UBAP1: variants seen among roughly 807,000 people sequenced by gnomAD.
The protein encoded by UBAP1 is ubiquitin-associated protein 1.
In UBAP1, 5 loss-of-function variants were observed where a neutral mutation model predicts 39.0. The ratio of observed to expected loss-of-function variants is 0.13; its 90% CI spans 0.07 to 0.27. The LOEUF (loss-of-function observed/expected upper bound fraction) is 0.27. UBAP1 is among the 10% of genes least tolerant of loss of function. The pLI, the probability that UBAP1 is intolerant of heterozygous loss-of-function variation, is 1.00. For synonymous variants in UBAP1, 211 were observed against 225.1 expected (o/e 0.94, Z 0.56); for missense variants, 490 against 608.1 (o/e 0.81, Z 2.04).
chr9:34,182,754 A>G (rs1020978010), intron 1 of UBAP1, among the ~76,000 whole-genome samples: 8 of 144,764 alleles, frequency 5.5e-5, no homozygotes, highest in Non-Finnish European at 1.2e-4. Context: ...TCAGTCGCCC[A>G]GGCTGGGGTA....
chr9:34,197,252 C>T (rs10971988), intron 1 of UBAP1, among the ~76,000 whole-genome samples: 56,876 of 151,164 alleles, frequency 0.38, 11,694 homozygotes, highest in East Asian at 0.89. Context: ...TTATAGTTCA[C>T]GGACCTTCTT....
At chr9:34,199,362 C>T (rs1020270754) in intron 1 of UBAP1, among the ~76,000 whole-genome samples, 1 of 152,180 alleles carries the variant, frequency 6.6e-6, no homozygotes, top group Admixed American at 6.5e-5. Context: ...CATGAGCCAC[C>T]GCGCCCAGCC....
At chr9:34,232,439 T>C (rs1833472512) in intron 2 of UBAP1, among the ~76,000 whole-genome samples, 2 of 152,234 alleles carry the variant, frequency 1.3e-5, no homozygotes, top group African/African-American at 4.8e-5. Context: ...ATATGGTGAT[T>C]TCCTAGAGTG....
intron 1 of UBAP1, among the ~76,000 whole-genome samples, chr9:34,180,743 A>G (rs1278033677): frequency 2.0e-5 from 3 of 152,026 alleles, no homozygotes; most frequent in Non-Finnish European, 2.9e-5. Context: ...CATCGCTGTC[A>G]TTGCACAGCA....
chr9:34,196,086 T>C (rs1164329507), intron 1 of UBAP1, among the ~76,000 whole-genome samples: 2 of 151,442 alleles, frequency 1.3e-5, no homozygotes, highest in Admixed American at 6.6e-5. Flanking sequence ...TGGCTCCATA[T>C]GATTTTTAAA....
At chr9:34,207,023 T>A (rs1325415921) in intron 1 of UBAP1, among the ~76,000 whole-genome samples, 1 of 151,554 alleles carries the variant, frequency 6.6e-6, no homozygotes, top group Non-Finnish European at 1.5e-5. Flanking sequence ...TTTCTTTTTT[T>A]TCTGCGTTTG....
intron 1 of UBAP1, among the ~76,000 whole-genome samples, chr9:34,194,764 C>A (rs924273884): frequency 6.6e-6 from 1 of 152,180 alleles, no homozygotes; most frequent in Non-Finnish European, 1.5e-5. Flanking sequence ...TTGATCCTTA[C>A]AATAACTTTA....
intron 1 of UBAP1, among the ~76,000 whole-genome samples, chr9:34,215,889 A>G (rs1017776047): frequency 1.1e-4 from 16 of 152,054 alleles, no homozygotes; most frequent in African/African-American, 3.9e-4. Flanking sequence ...GACCTTAGAA[A>G]AATCTTTATG....
intron 2 of UBAP1, among the ~76,000 whole-genome samples, chr9:34,232,349 A>T (rs919632961): frequency 1.3e-5 from 2 of 152,212 alleles, no homozygotes; most frequent in African/African-American, 4.8e-5. Context: ...AAGGGTAGGA[A>T]TGTGATAGGC....
intron 2 of UBAP1, among the ~76,000 whole-genome samples, chr9:34,229,828 T>C (rs1220684320): frequency 1.3e-5 from 2 of 151,888 alleles, no homozygotes; most frequent in Non-Finnish European, 1.5e-5. Context: ...TAAGTCACCA[T>C]GCTTGGCCCC....
intron 1 of UBAP1, among the ~76,000 whole-genome samples, chr9:34,195,598 CTT>C (rs769647041): frequency 1.4e-5 from 2 of 141,500 alleles, no homozygotes; most frequent in African/African-American, 2.6e-5. Context: ...TTGGATTTTT[CTT>C]TTTTTTTTTT....
chr9:34,216,121 T>C (rs185920811), intron 1 of UBAP1, among the ~76,000 whole-genome samples: 78 of 151,870 alleles, frequency 5.1e-4, no homozygotes, highest in Non-Finnish European at 9.1e-4. Context: ...TTGGAAGTTA[T>C]TGACACGCGT....
intron 1 of UBAP1, chr9:34,211,967 TG>T: frequency 2.4e-6 from 1 of 420,902 alleles, no homozygotes. Flanking sequence ...TTGTTGGTTT[TG>T]GGATTTCTAA....
chr9:34,209,542 A>G (rs919510591), intron 1 of UBAP1, among the ~76,000 whole-genome samples: 4 of 151,754 alleles, frequency 2.6e-5, no homozygotes, highest in African/African-American at 7.3e-5. Flanking sequence ...GTAAAACACA[A>G]TGGTTTGCAC....
At chr9:34,235,206 TA>T (rs1324341791) in intron 3 of UBAP1, among the ~76,000 whole-genome samples, 1 of 152,100 alleles carries the variant, frequency 6.6e-6, no homozygotes, top group Non-Finnish European at 1.5e-5. Context: ...GTAAAAAAGT[TA>T]AAAAAATTTA....
chr9:34,181,292 T>C (rs555949114), intron 1 of UBAP1, among the ~76,000 whole-genome samples: 131 of 150,778 alleles, frequency 8.7e-4, no homozygotes, highest in African/African-American at 2.9e-3. Context: ...TTTAAAATAT[T>C]TTTTTAGTAG....
chr9:34,202,624 CGT>C (rs56012034), intron 1 of UBAP1, among the ~76,000 whole-genome samples: 11,231 of 106,992 alleles, frequency 0.1, 614 homozygotes, highest in Admixed American at 0.13. Flanking sequence ...TAGACAGAAA[CGT>C]GTGTGTGTGT....
intron 1 of UBAP1, among the ~76,000 whole-genome samples, chr9:34,217,436 A>C (rs541281331): frequency 1.3e-5 from 2 of 152,162 alleles, no homozygotes; most frequent in South Asian, 4.1e-4. Context: ...GGGTTTCACC[A>C]TGTTGGCCAG....
chr9:34,232,883 C>T (rs1833500931), intron 2 of UBAP1, among the ~76,000 whole-genome samples: 1 of 152,158 alleles, frequency 6.6e-6, no homozygotes, highest in Non-Finnish European at 1.5e-5. Context: ...AATGGTTCTG[C>T]CTGTAAATTA....
Sources: allele counts gnomAD v4.1 joint callset (sites outside exome capture counted in the v4.1 genomes callset), GRCh38; gene constraint gnomAD v4.1.1; transcripts MANE v1.5; gene names NCBI Gene and HGNC (gene_info 2026-07-23, HGNC 2026-07-21).